PROX2: variants seen among roughly 807,000 people sequenced by gnomAD.
PROX2 encodes the protein prospero homeobox protein 2.
A neutral mutation model predicts 48.9 loss-of-function variants in PROX2; 46 were observed. The observed-to-expected ratio is 0.94, with a 90% confidence interval of 0.74 to 1.20. The LOEUF is 1.20. PROX2 is among the 50% of genes most tolerant of loss of function. The probability of loss-of-function intolerance (pLI) is 0.00; values close to 1 mark genes in which losing one functional copy is unlikely to be tolerated. For missense variants in PROX2, 663 were observed against 719.4 expected, an observed-to-expected ratio of 0.92 and a Z score of 0.90; for synonymous variants, 260 against 276.6, an observed-to-expected ratio of 0.94 and a Z score of 0.60.
intron 5 of PROX2, chr14:74,855,564 A>T (rs547577012): frequency 3.0e-6 from 1 of 330,160 alleles, no homozygotes; most frequent in African/African-American, 2.1e-5. Context: ...GATCTCGCTA[A>T]TGGGCGACTT....
intron 2 of PROX2, among the ~76,000 whole-genome samples, chr14:74,866,433 C>T (rs1883064965): frequency 6.6e-6 from 1 of 152,038 alleles, no homozygotes; most frequent in Non-Finnish European, 1.5e-5. Flanking sequence ...AGTCCTGGGA[C>T]ACAGGGACAT....
chr14:74,862,453 C>T (rs2091801393), intron 3 of PROX2, 77 bp downstream of exon 3: 3 of 1,522,194 alleles, frequency 2.0e-6, no homozygotes, highest in Non-Finnish European at 2.6e-6. Flanking sequence ...CTTGGCCTCC[C>T]AAAGCACTGG....
At chr14:74,861,135 C>T in intron 3 of PROX2, 1 of 1,097,398 alleles carries the variant, frequency 9.1e-7, no homozygotes, top group Non-Finnish European at 1.3e-6. Context: ...CAGGTTCTGG[C>T]ATGGTAATGA....
chr14:74,860,758 C>T (rs1462067709), intron 3 of PROX2, among the ~76,000 whole-genome samples: 3 of 152,188 alleles, frequency 2.0e-5, no homozygotes, highest in Admixed American at 6.5e-5. Flanking sequence ...GCAGCCAGTC[C>T]TGGCTTAGGT....
intron 1 of PROX2, among the ~76,000 whole-genome samples, chr14:74,873,385 G>C (rs1883262786): frequency 6.6e-6 from 1 of 152,196 alleles, no homozygotes; most frequent in Admixed American, 6.5e-5. Context: ...CACTCTCTTA[G>C]GATTGTGGTG....
chr14:74,858,586 C>T (rs2091766186), intron 3 of PROX2, 72 bp from the exon 4 acceptor site: 2 of 793,456 alleles, frequency 2.5e-6, no homozygotes, highest in Admixed American at 4.9e-5. Flanking sequence ...TTCCTTGTTC[C>T]TGTGGTTTCT....
At chr14:74,861,846 A>C (rs2091797019) in intron 3 of PROX2, among the ~76,000 whole-genome samples, 1 of 152,182 alleles carries the variant, frequency 6.6e-6, no homozygotes, top group South Asian at 2.1e-4. Context: ...TTGTAGAGCT[A>C]TGGGGTTGGG....
At position 74,857,015 on chromosome 14, in the gene PROX2, A is replaced by T. The variant is rs1229777453; in HGVS notation, c.1414-20T>A. ...GTTGAACTGTACAAACAAGAGGTCC[A>T]TCCAGTCAGACATTTGCCACGAGGT... is the stretch of plus-strand genomic sequence containing the variant. On this transcript the variant is annotated intron_variant, in intron 4 of 5. Coordinates refer to ENST00000556489, the MANE Select transcript of PROX2 (RefSeq NM_001243007.2). 3.7e-6 allele frequency: 6 copies of T among 1,608,954 alleles called. No individual in the cohort carries two copies. The highest frequency in any genetic ancestry group is 4.3e-6 in the Non-Finnish European group (5 of 1,175,704).
At chr14:74,858,778 T>TTGTGTGTGTGTGTGTGTGTG (rs3083647) in intron 3 of PROX2, 1 of 209,308 alleles carries the variant, frequency 4.8e-6, no homozygotes, top group African/African-American at 2.6e-5. Context: ...TTGGTGTATT[T>TTGTGTGTGTGTGTGTGTGTG]TGTGTGTGTG....
intron 1 of PROX2, among the ~76,000 whole-genome samples, chr14:74,874,917 G>T (rs146524757): frequency 1.3e-5 from 2 of 152,222 alleles, no homozygotes; most frequent in African/African-American, 4.8e-5. Context: ...GGCTGAGATG[G>T]GTAGATCGCC....
rs2091806898 is a variant in PROX2, at chr14:74,862,873, G to A, written c.962C>T (p.Thr321Ile). The stretch of plus-strand genomic sequence containing the variant: ...TGGGGGATCCTGACAGGGTTTGGGG[G>A]TCATTCTTGGAGGGATAGGGTACCT... ...SPRYPIPPRM[T>I]PKPCQDPPAN... The change falls in exon 3 of 6, where the codon ACC becomes ATC. Residue 321 changes from threonine to isoleucine, a missense_variant. Transcript: ENST00000556489. 1 of 1,613,896 alleles carries A rather than the reference G, an allele frequency of 6.2e-7. No individual in the cohort carries two copies. Among genetic ancestry groups the A allele is most frequent in the South Asian group, 1.1e-5 (1 of 91,084 alleles).
In PROX2 at chr14:74,863,098, A is replaced by G. The variant is rs747281814; in HGVS notation, c.737T>C (p.Leu246Pro). Residue 246 changes from leucine to proline, a missense_variant, in exon 3 of 6, where the codon CTA becomes CCA. Coordinates refer to ENST00000556489, the MANE Select transcript of PROX2 (RefSeq NM_001243007.2). ...AGTCAGGTGGCCTGGTGGATCCAAT[A>G]GTACCTTTTGTAATACCGAGTCCAC... ...QAVDSVLQKV[L>P]LDPPGHLTQL... 4.0e-5 allele frequency: 64 copies of G among 1,613,992 alleles called. No individual in the cohort carries two copies. The South Asian group carries it at 7.0e-4, about 18-fold the overall frequency.
chr14:74,862,494 C>T (rs1392707057), intron 3 of PROX2, 36 bp downstream of exon 3: 2 of 1,579,028 alleles, frequency 1.3e-6, no homozygotes, highest in Non-Finnish European at 1.7e-6. Flanking sequence ...CTGCACCTGG[C>T]CAACAATGAG....
At chr14:74,860,146 AGGTCTAAACCC>A (rs1355449246) in intron 3 of PROX2, among the ~76,000 whole-genome samples, 1 of 152,220 alleles carries the variant, frequency 6.6e-6, no homozygotes, top group Non-Finnish European at 1.5e-5. Context: ...GAGATAATAC[AGGTCTAAACCC>A]GTTATCTGAA....
At chr14:74,858,746 CAT>C in intron 3 of PROX2, 1 of 455,016 alleles carries the variant, frequency 2.2e-6, no homozygotes, top group East Asian at 3.9e-5. Flanking sequence ...AGTTATGTAG[CAT>C]AGATGATGTC....
chr14:74,860,325 TA>T (rs1566779061), intron 3 of PROX2, among the ~76,000 whole-genome samples: 2 of 151,996 alleles, frequency 1.3e-5, no homozygotes, highest in African/African-American at 4.8e-5. Flanking sequence ...CTAAGTGGGA[TA>T]AAATCTATTA....
chr14:74,871,088 TGTG>T lies in PROX2; in HGVS notation c.-175+12_-175+14del, dbSNP rs1461883247. 2 of 151,464 alleles carry T rather than the reference TGTG, an allele frequency of 1.3e-5. No individual in the cohort carries two copies. Among genetic ancestry groups the T allele is most frequent in the African/African-American group, 2.4e-5 (1 of 41,160 alleles). The allele number at this position is 151,464 out of a possible 1,614,324, so 9.4% of individuals were successfully genotyped here. A position where few individuals can be genotyped will look rare whatever the true frequency, so the allele number is the denominator to read the frequency against. ...GATAAATAAATAAAGTCTAGACAGA[TGTG>T]GTGGTGCTTACCTGTAGTCTCAGCT... is the stretch of plus-strand genomic sequence containing the variant. On this transcript the variant is annotated intron_variant, in intron 2 of 5. Coordinates refer to ENST00000556489, the MANE Select transcript of PROX2 (RefSeq NM_001243007.2).
chr14:74,875,210 G>A (rs1367595062), intron 1 of PROX2, among the ~76,000 whole-genome samples: 1 of 152,130 alleles, frequency 6.6e-6, no homozygotes, highest in Non-Finnish European at 1.5e-5. Context: ...ATAAAAGGGG[G>A]AAATGCATAA....
At chr14:74,858,301 G>C (rs1203760645) in intron 4 of PROX2, 106 bp downstream of exon 4, 7 of 650,028 alleles carry the variant, frequency 1.1e-5, no homozygotes, top group African/African-American at 9.0e-5. Context: ...ACACTAAGGG[G>C]AGCTTGAAGT....
Sources: gnomAD v4.1 joint callset for allele counts (sites outside exome capture counted in the v4.1 genomes callset) on GRCh38, gnomAD v4.1.1 for gene constraint, MANE v1.5 for transcripts, NCBI Gene and HGNC (gene_info 2026-07-23, HGNC 2026-07-21) for gene names.